Variants in ALCAM observed in about 807,000 individuals in gnomAD.
The protein encoded by ALCAM is activated leukocyte cell adhesion molecule, also known as CD166 antigen.
ALCAM carries 30 observed loss-of-function variants against 70.9 expected under a neutral mutation model. That is an observed-to-expected ratio of 0.42 (90% CI 0.32 to 0.57). ALCAM has a LOEUF of 0.57. Ranked by LOEUF, ALCAM falls within the 20% of genes least tolerant of loss-of-function variation. ALCAM has a pLI of 0.11. For synonymous variants in ALCAM, 249 were observed against 242.5 expected (o/e 1.03, Z -0.25); for missense variants, 591 against 695.1 (o/e 0.85, Z 1.68).
At chr3:105,561,058 CA>C (rs975122017) in intron 14 of ALCAM, among the ~76,000 whole-genome samples, 3 of 152,066 alleles carry the variant, frequency 2.0e-5, no homozygotes, top group African/African-American at 7.2e-5. Flanking sequence ...TGGCTCTTTT[CA>C]ATTTTTTTCT....
chr3:105,558,678 G>A (rs1435720600), intron 14 of ALCAM, among the ~76,000 whole-genome samples: 4 of 152,062 alleles, frequency 2.6e-5, no homozygotes, highest in Admixed American at 6.6e-5. Context: ...CCCTTTAAAC[G>A]CACTGCGCTT....
At chr3:105,507,248 C>A (rs538945513) in intron 1 of ALCAM, among the ~76,000 whole-genome samples, 42 of 152,070 alleles carry the variant, frequency 2.8e-4, no homozygotes, top group African/African-American at 8.9e-4. Flanking sequence ...ACATTTGTTG[C>A]AATTGGTGAG....
At chr3:105,411,323 T>C (rs1487325766) in intron 1 of ALCAM, among the ~76,000 whole-genome samples, 1 of 152,122 alleles carries the variant, frequency 6.6e-6, no homozygotes, top group East Asian at 1.9e-4. Context: ...TCCAGTTCAC[T>C]TCTGGATGTC....
intron 1 of ALCAM, among the ~76,000 whole-genome samples, chr3:105,387,369 A>G: frequency 6.6e-6 from 1 of 151,492 alleles, no homozygotes; most frequent in Non-Finnish European, 1.5e-5. Context: ...AATATTGCAC[A>G]ATCTATTAGC....
chr3:105,526,117 G>T (rs1326369768), intron 3 of ALCAM, among the ~76,000 whole-genome samples: 1 of 151,986 alleles, frequency 6.6e-6, no homozygotes, highest in African/African-American at 2.4e-5. Flanking sequence ...AGCTACAGAG[G>T]TTAAGTCACA....
intron 12 of ALCAM, among the ~76,000 whole-genome samples, chr3:105,551,496 A>G (rs1217347912): frequency 2.0e-5 from 3 of 151,718 alleles, no homozygotes; most frequent in Non-Finnish European, 4.4e-5. Context: ...TGTCACTGGC[A>G]GTTCCGATGC....
chr3:105,545,347 T>C lies in ALCAM; in HGVS notation c.1104+12T>C, dbSNP rs900568214. The C allele has an allele frequency of 5.7e-6, 9 of 1,574,142 alleles. No individual in the cohort carries two copies. In the Admixed American group the frequency reaches 1.0e-4, roughly 18 times the overall value. On this transcript the variant is annotated intron_variant, in intron 9 of 15. Coordinates refer to ENST00000306107, the MANE Select transcript of ALCAM (RefSeq NM_001627.4). The stretch of plus-strand genomic sequence containing the variant: ...TGGTATGGATGAAAGTAAGTAATAT[T>C]TTTGGTACTACCCTGCTGTTTGGTT...
At chr3:105,471,613 A>T (rs895310324) in intron 1 of ALCAM, among the ~76,000 whole-genome samples, 6 of 151,040 alleles carry the variant, frequency 4.0e-5, no homozygotes, top group African/African-American at 1.5e-4. Context: ...TTTTTTAATG[A>T]TATTATTGGA....
At chr3:105,492,899 GC>G (rs1938627013) in intron 1 of ALCAM, among the ~76,000 whole-genome samples, 1 of 152,064 alleles carries the variant, frequency 6.6e-6, no homozygotes, top group African/African-American at 2.4e-5. Context: ...ATATAGTTTA[GC>G]CATTATAAGC....
At chr3:105,396,250 G>A (rs1935948401) in intron 1 of ALCAM, among the ~76,000 whole-genome samples, 4 of 152,026 alleles carry the variant, frequency 2.6e-5, no homozygotes, top group Admixed American at 2.6e-4. Flanking sequence ...AATCATTGGA[G>A]TACAGTGAAG....
chr3:105,524,685 A>G, intron 3 of ALCAM, 177 bp downstream of exon 3: 1 of 1,331,428 alleles, frequency 7.5e-7, no homozygotes, highest in Non-Finnish European at 9.6e-7. Context: ...AACAAAGAGT[A>G]TGAAATTCAA....
chr3:105,547,621 T>A, intron 11 of ALCAM, 98 bp downstream of exon 11: 1 of 1,475,250 alleles, frequency 6.8e-7, no homozygotes. Flanking sequence ...CCACATAAAA[T>A]TTGCAGTGTG....
chr3:105,453,871 T>C (rs1244461650), intron 1 of ALCAM, among the ~76,000 whole-genome samples: 1 of 152,238 alleles, frequency 6.6e-6, no homozygotes, highest in East Asian at 1.9e-4. Flanking sequence ...GGCTCTCCGC[T>C]CGTCTCTTGT....
chr3:105,391,532 A>G (rs1205691466), intron 1 of ALCAM, among the ~76,000 whole-genome samples: 1 of 152,110 alleles, frequency 6.6e-6, no homozygotes, highest in Non-Finnish European at 1.5e-5. Context: ...GTCATCTGCA[A>G]AGAGAGACAG....
chr3:105,382,025 G>A (rs1186763264), intron 1 of ALCAM, among the ~76,000 whole-genome samples: 3 of 150,728 alleles, frequency 2.0e-5, no homozygotes, highest in South Asian at 4.2e-4. Flanking sequence ...TGCCATGCTG[G>A]TGTGCTGCAC....
intron 1 of ALCAM, among the ~76,000 whole-genome samples, chr3:105,482,002 C>T (rs568821065): frequency 1.3e-5 from 2 of 148,830 alleles, no homozygotes; most frequent in Non-Finnish European, 3.0e-5. Context: ...GATTTCGTAG[C>T]CGTAGACTAA....
At position 105,368,061 on chromosome 3, in the gene ALCAM, C is replaced by T. The variant is rs1935116276; in HGVS notation, c.73+580C>T. On this transcript the variant is annotated intron_variant, in intron 1 of 15. Coordinates refer to ENST00000306107, the MANE Select transcript of ALCAM (RefSeq NM_001627.4). ...CAACGTTACCCCCTGCGGTCCCCGTCCATTGTCTGGGCGGGTGGTGAGTGA... is the reference window on the plus strand; with the variant it reads ...CAACGTTACCCCCTGCGGTCCCCGTTCATTGTCTGGGCGGGTGGTGAGTGA... Among the ~76,000 whole-genome samples the T allele has an allele frequency of 2.0e-5, 3 of 151,840 alleles. No individual in the cohort carries two copies. In the South Asian group the frequency reaches 6.2e-4, roughly 32 times the overall value.
intron 14 of ALCAM, among the ~76,000 whole-genome samples, chr3:105,571,225 G>A (rs1171904402): frequency 5.9e-5 from 9 of 152,122 alleles, no homozygotes; most frequent in African/African-American, 1.4e-4. Context: ...CTGGTATAGG[G>A]CCCGAGAATT....
At chr3:105,513,069 T>C (rs1341360095) in intron 1 of ALCAM, among the ~76,000 whole-genome samples, 1 of 151,766 alleles carries the variant, frequency 6.6e-6, no homozygotes, top group Non-Finnish European at 1.5e-5. Context: ...ATTGTATTCT[T>C]TCTGCCTATC....
Sources: gnomAD v4.1 joint callset for allele counts (sites outside exome capture counted in the v4.1 genomes callset) on GRCh38, gnomAD v4.1.1 for gene constraint, MANE v1.5 for transcripts, NCBI Gene and HGNC (gene_info 2026-07-23, HGNC 2026-07-21) for gene names.